Variants in TENM3 observed in about 807,000 individuals in gnomAD.
The protein encoded by TENM3 is teneurin transmembrane protein 3.
A neutral mutation model predicts 255.1 loss-of-function variants in TENM3; 63 were observed. The ratio of observed to expected loss-of-function variants is 0.25; its 90% confidence interval spans 0.20 to 0.30. The LOEUF (loss-of-function observed/expected upper bound fraction) is 0.30, where lower values mean the gene tolerates loss of function less well. Ranked by LOEUF, TENM3 falls within the 10% of genes least tolerant of loss-of-function variation. TENM3 has a pLI of 1.00. For missense variants in TENM3, 2,929 were observed against 3,461.1 expected (o/e 0.85, Z 3.86); for synonymous variants, 1,306 against 1,322.3 (o/e 0.99, Z 0.27).
the TENM3 span, among the ~76,000 whole-genome samples, chr4:181,712,226 C>A: frequency 1.3e-5 from 2 of 151,990 alleles, no homozygotes; most frequent in East Asian, 3.9e-4. Context: ...TATGTTCCCA[C>A]CCAAATCTCA....
At chr4:182,129,733 T>C in the TENM3 span, among the ~76,000 whole-genome samples, 1 of 152,126 alleles carries the variant, frequency 6.6e-6, no homozygotes, top group Non-Finnish European at 1.5e-5. Context: ...CTTTTATAGG[T>C]AAAAGTATGC....
chr4:182,758,244 A>T (rs531341337), intron 22 of TENM3, among the ~76,000 whole-genome samples: 1 of 152,196 alleles, frequency 6.6e-6, no homozygotes, highest in Non-Finnish European at 1.5e-5. Context: ...TTCTTCCCAT[A>T]CATTCTTGTA....
At chr4:182,683,136 A>T (rs1756301749) in intron 11 of TENM3, among the ~76,000 whole-genome samples, 1 of 152,226 alleles carries the variant, frequency 6.6e-6, no homozygotes, top group Admixed American at 6.5e-5. Flanking sequence ...TTCATATCCA[A>T]TCTGTACTCC....
chr4:182,076,393 G>A, the TENM3 span, among the ~76,000 whole-genome samples: 14 of 151,986 alleles, frequency 9.2e-5, no homozygotes, highest in East Asian at 5.8e-4. Context: ...TAGTAGAGAC[G>A]GGGTTTCACC....
the TENM3 span, among the ~76,000 whole-genome samples, chr4:181,793,907 G>C: frequency 2.0e-5 from 3 of 152,104 alleles, no homozygotes; most frequent in African/African-American, 4.8e-5. Flanking sequence ...CCATTATTTA[G>C]ATTATGATTA....
chr4:181,604,943 T>C, the TENM3 span, among the ~76,000 whole-genome samples: 1 of 152,194 alleles, frequency 6.6e-6, no homozygotes, highest in South Asian at 2.1e-4. Context: ...ATTATTGTTG[T>C]GGAGGTTGAT....
At chr4:182,485,454 C>A (rs1378552339) in intron 3 of TENM3, among the ~76,000 whole-genome samples, 5 of 152,062 alleles carry the variant, frequency 3.3e-5, no homozygotes, top group African/African-American at 1.2e-4. Context: ...CAATTTCAAT[C>A]CTGACCAAGC....
the TENM3 span, among the ~76,000 whole-genome samples, chr4:182,110,547 A>G: frequency 2.0e-5 from 3 of 151,956 alleles, no homozygotes; most frequent in South Asian, 4.2e-4. Context: ...ACTGTTCTCA[A>G]ATTCCTGGGC....
chr4:181,590,089 T>G, the TENM3 span, among the ~76,000 whole-genome samples: 2 of 152,158 alleles, frequency 1.3e-5, no homozygotes, highest in Non-Finnish European at 2.9e-5. Context: ...AAAACTAACT[T>G]TGAAGTATAA....
intron 1 of TENM3, among the ~76,000 whole-genome samples, chr4:182,212,277 C>G (rs942145321): frequency 6.6e-6 from 1 of 152,198 alleles, no homozygotes; most frequent in Non-Finnish European, 1.5e-5. Flanking sequence ...CAGCCTTGAC[C>G]GCCACATGGC....
chr4:181,518,774 G>A, the TENM3 span, among the ~76,000 whole-genome samples: 4 of 152,090 alleles, frequency 2.6e-5, no homozygotes, highest in South Asian at 2.1e-4. Flanking sequence ...ATCCTTCCTA[G>A]CCACCTATAA....
the TENM3 span, among the ~76,000 whole-genome samples, chr4:181,820,963 A>T: frequency 2.6e-5 from 4 of 152,212 alleles, no homozygotes; most frequent in Non-Finnish European, 4.4e-5. Flanking sequence ...TTTAAAGAAA[A>T]GTGGAATATA....
intron 3 of TENM3, among the ~76,000 whole-genome samples, chr4:182,514,219 A>T (rs1167455520): frequency 6.6e-6 from 1 of 152,228 alleles, no homozygotes; most frequent in East Asian, 1.9e-4. Flanking sequence ...CCTAAATGAA[A>T]GCAGTGAAAA....
chr4:182,649,368 A>T lies in TENM3; in HGVS notation c.989-4403A>T, dbSNP rs986179205. On this transcript the variant is annotated intron_variant, in intron 5 of 27. Coordinates refer to ENST00000511685, the MANE Select transcript of TENM3 (RefSeq NM_001080477.4). Reference sequence around the variant, plus strand: ...AATTGTGAAAAACACACTGATAAATATATATCTCAGATAGGCAGTATTGCT... The same window carrying T: ...AATTGTGAAAAACACACTGATAAATTTATATCTCAGATAGGCAGTATTGCT... Among the ~76,000 whole-genome samples, 5 of 150,758 alleles carry T rather than the reference A, an allele frequency of 3.3e-5. 1 individual carries two copies. The East Asian group carries it at 1.0e-3, about 30-fold the overall frequency.
intron 22 of TENM3, among the ~76,000 whole-genome samples, chr4:182,771,105 C>T (rs1350364176): frequency 6.6e-6 from 1 of 152,160 alleles, no homozygotes; most frequent in Non-Finnish European, 1.5e-5. Flanking sequence ...GCTGTATCTC[C>T]CTGTGCCGAG....
chr4:182,771,985 A>G (rs1033549253), intron 22 of TENM3, among the ~76,000 whole-genome samples: 2 of 151,970 alleles, frequency 1.3e-5, no homozygotes, highest in Admixed American at 1.3e-4. Context: ...TGTCAGTCAA[A>G]CCCATGATCT....
intron 3 of TENM3, among the ~76,000 whole-genome samples, chr4:182,355,120 A>T (rs1248040500): frequency 6.6e-6 from 1 of 152,180 alleles, no homozygotes; most frequent in Non-Finnish European, 1.5e-5. Flanking sequence ...GCCAACAGAG[A>T]CTGGGGGCAG....
chr4:182,061,444 C>T, the TENM3 span, among the ~76,000 whole-genome samples: 1 of 151,948 alleles, frequency 6.6e-6, no homozygotes, highest in Non-Finnish European at 1.5e-5. Context: ...CACTTTAGAC[C>T]GTGTGTGAAT....
chr4:182,542,180 C>G lies in TENM3; in HGVS notation c.512-58744C>G, dbSNP rs185865677. 1.2e-4 allele frequency among the ~76,000 whole-genome samples: 19 copies of G among 152,274 alleles called. No homozygotes were observed. The East Asian group carries it at 3.7e-3, about 29-fold the overall frequency. ...AAGTATTTTATAGCAAAGTCTCTCC[C>G]CCTTGTTTGTAAATTGAGTGCTTAT... On this transcript the variant is annotated intron_variant, in intron 3 of 27. Transcript: ENST00000511685.
Sources: gnomAD v4.1 joint callset for allele counts (sites outside exome capture counted in the v4.1 genomes callset) on GRCh38, gnomAD v4.1.1 for gene constraint, MANE v1.5 for transcripts, NCBI Gene and HGNC (gene_info 2026-07-23, HGNC 2026-07-21) for gene names.